STMN3: variants seen among roughly 807,000 people sequenced by gnomAD.
STMN3 encodes the protein stathmin 3.
Under a neutral mutation model 23.2 loss-of-function variants are expected in STMN3, and 24 were observed. The observed-to-expected ratio is 1.03, with a 90% CI of 0.75 to 1.45. The LOEUF is 1.45. STMN3 is among the 40% of genes most tolerant of loss of function. The probability of loss-of-function intolerance (pLI) is 0.00; values close to 1 mark genes in which losing one functional copy is unlikely to be tolerated. For missense variants in STMN3, 235 were observed against 237.6 expected (o/e 0.99, Z 0.07); for synonymous variants, 117 against 103.4 (o/e 1.13, Z -0.80).
chr20:63,641,237 G>C lies in STMN3; in HGVS notation c.*101C>G, dbSNP rs1228030427. On this transcript the variant is annotated 3_prime_UTR_variant, in exon 5 of 5. Coordinates refer to ENST00000370053, the MANE Select transcript of STMN3 (RefSeq NM_015894.4). Reference sequence around the variant, plus strand: ...AAGCATGAAGCTGGGGGCGGGGGTGGGGGAGGAGGAACAAAAGTTGCATCT... The same window carrying C: ...AAGCATGAAGCTGGGGGCGGGGGTGCGGGAGGAGGAACAAAAGTTGCATCT... 1.4e-5 allele frequency: 14 copies of C among 999,480 alleles called. No homozygotes were observed. The Admixed American group carries it at 2.2e-4, about 16-fold the overall frequency. The allele number at this position is 999,480 out of a possible 1,614,324, so 61.9% of individuals were successfully genotyped here.
chr20:63,651,700 A>G (rs2089859860), intron 1 of STMN3, among the ~76,000 whole-genome samples: 1 of 152,192 alleles, frequency 6.6e-6, no homozygotes, highest in African/African-American at 2.4e-5. Flanking sequence ...GCCCCAGGAG[A>G]GGTGCCAGCA....
chr20:63,644,255 A>C lies in STMN3; in HGVS notation c.74T>G (p.Phe25Cys). ...GGTATTGGGGTGCGGCTGTGTGTAG[A>C]AGCAGGAGCAGATGAGCGACAGCAC... ...LSVLSLICSC[F>C]YTQPHPNTVY... Residue 25 changes from phenylalanine to cysteine, a missense_variant, in exon 2 of 5, where the codon TTC (phenylalanine) becomes TGC (cysteine). By Grantham distance (205) the Phe-to-Cys change is radical. Transcript: ENST00000370053. The C allele has an allele frequency of 6.2e-7, 1 of 1,613,764 alleles. No homozygotes were observed. Among genetic ancestry groups the C allele is most frequent in the South Asian group, 1.1e-5 (1 of 91,064 alleles).
chr20:63,645,808 C>T (rs1002378425), intron 1 of STMN3, among the ~76,000 whole-genome samples: 1 of 152,088 alleles, frequency 6.6e-6, no homozygotes, highest in East Asian at 1.9e-4. Flanking sequence ...TAAAAATTAG[C>T]CAGGCGTGGT....
At chr20:63,644,980 C>T (rs1198148466) in intron 1 of STMN3, among the ~76,000 whole-genome samples, 1 of 152,238 alleles carries the variant, frequency 6.6e-6, no homozygotes, top group Non-Finnish European at 1.5e-5. Flanking sequence ...CTACCCCTGC[C>T]TGTCTGGGTC....
intron 1 of STMN3, 71 bp from the exon 2 acceptor site, chr20:63,644,380 C>T (rs888423107): frequency 1.7e-6 from 2 of 1,181,170 alleles, no homozygotes; most frequent in Admixed American, 3.9e-5. Context: ...TTTCCCTCCC[C>T]ATGGCTGCCT....
Position 63,652,515 on chromosome 20 carries a change from C to G in STMN3, c.19+812G>C. On this transcript the variant is annotated intron_variant, in intron 1 of 4. Transcript: ENST00000370053. This position sits in a 1 kb window ranked among gnomAD's most constrained non-coding sequence, Gnocchi z 5.3. Reference sequence around the variant, plus strand: ...AATCCGCCCCCCGCCCGGGCCTGCGCCCGCCCCTCCGCCTGAGCTCCGCGC... The same window carrying G: ...AATCCGCCCCCCGCCCGGGCCTGCGGCCGCCCCTCCGCCTGAGCTCCGCGC... 1.0e-6 allele frequency: 1 copy of G among 955,482 alleles called. No homozygotes were observed. Among genetic ancestry groups the G allele is most frequent in the Non-Finnish European group, 1.2e-6 (1 of 802,628 alleles). The allele number at this position is 955,482 out of a possible 1,614,324, so 59.2% of individuals were successfully genotyped here.
rs1360897984 is a variant in STMN3, at chr20:63,647,975, TATATAC to T, written c.20-3672_20-3667del. Among the ~76,000 whole-genome samples the T allele has an allele frequency of 5.5e-3, 427 of 77,588 alleles. 23 individuals carry two copies. The highest frequency in any genetic ancestry group is 0.014 in the African/African-American group (247 of 17,630). 50.9% of individuals were successfully genotyped at this position (77,588 alleles called of 152,430 possible). On this transcript the variant is annotated intron_variant, in intron 1 of 4. Coordinates refer to ENST00000370053, the MANE Select transcript of STMN3 (RefSeq NM_015894.4). ...ATATATATATGTATATATATATATA[TATATAC>T]ATATATATATACAGAGAGAGAGAGA...
intron 1 of STMN3, among the ~76,000 whole-genome samples, chr20:63,650,108 G>A (rs1008034625): frequency 8.0e-5 from 7 of 87,168 alleles, no homozygotes; most frequent in Non-Finnish European, 1.4e-4. Flanking sequence ...GATGACAGGC[G>A]TGAGCCCCCG....
chr20:63,650,877 C>T (rs545641230), intron 1 of STMN3, among the ~76,000 whole-genome samples: 1 of 149,244 alleles, frequency 6.7e-6, no homozygotes, highest in South Asian at 2.1e-4. Flanking sequence ...CACACCCACC[C>T]CTCCCGCCCA....
In STMN3 at chr20:63,641,008, C is replaced by T. The variant is rs2089756322; in HGVS notation, c.*330G>A. On this transcript the variant is annotated 3_prime_UTR_variant, in exon 5 of 5. Transcript: ENST00000370053. ...TGCACGTGCTGACCAGACAGCCCAG[C>T]GTAAGGACCCGTGATCCCACGCCAC... 4.6e-6 allele frequency: 2 copies of T among 430,116 alleles called. No individual in the cohort carries two copies. Among genetic ancestry groups the T allele is most frequent in the Admixed American group, 3.6e-5 (1 of 28,104 alleles). 26.6% of individuals were successfully genotyped at this position (430,116 alleles called of 1,614,324 possible). A position where few individuals can be genotyped will look rare whatever the true frequency, so the allele number is the denominator to read the frequency against.
intron 1 of STMN3, among the ~76,000 whole-genome samples, chr20:63,644,528 C>G (rs977329959): frequency 9.9e-5 from 15 of 152,180 alleles, no homozygotes; most frequent in African/African-American, 3.4e-4. Context: ...TGCCTTCTGT[C>G]TCTCTCGCCC....
rs991461918 is a variant in STMN3 at position 63,652,085 on chromosome 20, G to A, written c.19+1242C>T. ...GAAGCGCAGATGGACAGGACTCCCA[G>A]ATAGGGTGGGGAGGTGTGGCCGGTG... On this transcript the variant is annotated intron_variant, in intron 1 of 4. Coordinates refer to ENST00000370053, the MANE Select transcript of STMN3 (RefSeq NM_015894.4). The surrounding 1 kb of genome is among the most constrained non-coding windows in gnomAD (Gnocchi z 5.3). 2.0e-5 allele frequency: 3 copies of A among 152,448 alleles called. No individual in the cohort carries two copies. Among genetic ancestry groups the A allele is most frequent in the African/African-American group, 7.2e-5 (3 of 41,462 alleles). 9.4% of individuals were successfully genotyped at this position (152,448 alleles called of 1,614,324 possible).
At chr20:63,653,187 C>A in intron 1 of STMN3, 140 bp downstream of exon 1, 4 of 1,094,000 alleles carry the variant, frequency 3.7e-6, no homozygotes, top group Non-Finnish European at 5.0e-6. Context: ...CAGCCTCGGG[C>A]GGGTCGGGCC....
chr20:63,642,926 A>C (rs1229034297), intron 3 of STMN3, among the ~76,000 whole-genome samples: 2 of 152,182 alleles, frequency 1.3e-5, no homozygotes, highest in Non-Finnish European at 1.5e-5. Flanking sequence ...TCCCCTGCCC[A>C]ATGCGTTGGC....
Position 63,647,991 on chromosome 20 carries a change from T to TACATATAC in STMN3, c.20-3683_20-3682insGTATATGT. Among the ~76,000 whole-genome samples, 2 of 75,892 alleles carry TACATATAC rather than the reference T, an allele frequency of 2.6e-5. 1 individual carries two copies. The highest frequency in any genetic ancestry group is 5.4e-5 in the Non-Finnish European group (2 of 36,902). The allele number at this position is 75,892 out of a possible 152,430, so 49.8% of individuals were successfully genotyped here. A position where few individuals can be genotyped will look rare whatever the true frequency, so the allele number is the denominator to read the frequency against. On this transcript the variant is annotated intron_variant, in intron 1 of 4. Transcript: ENST00000370053. ...ATATATATATATATACATATATATA[T>TACATATAC]ACAGAGAGAGAGAGAGTAGTGATAG...
At position 63,652,603 on chromosome 20, in the gene STMN3, G is replaced by A. The variant is rs2089869458; in HGVS notation, c.19+724C>T. On this transcript the variant is annotated intron_variant, in intron 1 of 4. Transcript: ENST00000370053. The surrounding 1 kb of genome is among the most constrained non-coding windows in gnomAD (Gnocchi z 5.3). Reference sequence around the variant, plus strand: ...AAGGCGGTGGGTCCGCCCCGCGGGAGGTGGAGGGGCGGGAGGGGCGGAGCC... The same window carrying A: ...AAGGCGGTGGGTCCGCCCCGCGGGAAGTGGAGGGGCGGGAGGGGCGGAGCC... 5.1e-6 allele frequency: 5 copies of A among 985,296 alleles called. No individual in the cohort carries two copies. The South Asian group carries it at 2.3e-4, about 46-fold the overall frequency. 61.0% of individuals were successfully genotyped at this position (985,296 alleles called of 1,614,324 possible).
chr20:63,644,366 C>T (rs1338594225), intron 1 of STMN3, 57 bp from the exon 2 acceptor site: 11 of 1,372,084 alleles, frequency 8.0e-6, no homozygotes, highest in Non-Finnish European at 1.0e-5. Flanking sequence ...ACCTGGGCCC[C>T]CGTTTTCCCT....
At chr20:63,651,966 G>A (rs933717368) in intron 1 of STMN3, among the ~76,000 whole-genome samples, 4 of 152,184 alleles carry the variant, frequency 2.6e-5, no homozygotes. Context: ...TGGAGAGGAC[G>A]GCGCTGCCCT....
chr20:63,643,702 C>T lies in STMN3; in HGVS notation c.291+54G>A, dbSNP rs559590065. On this transcript the variant is annotated intron_variant, in intron 3 of 4. Coordinates refer to ENST00000370053, the MANE Select transcript of STMN3 (RefSeq NM_015894.4). Reference sequence around the variant, plus strand: ...CCCTGCTTCTTGCAGGCCCTGTCCCCGTGGGCCGCCTCCGTTGAAACTCCT... The same window carrying T: ...CCCTGCTTCTTGCAGGCCCTGTCCCTGTGGGCCGCCTCCGTTGAAACTCCT... The T allele has an allele frequency of 5.7e-5, 84 of 1,480,330 alleles. No homozygotes were observed. In the African/African-American group the frequency reaches 6.6e-4, roughly 12 times the overall value. The allele number at this position is 1,480,330 out of a possible 1,614,324, so 91.7% of individuals were successfully genotyped here.
Sources: allele counts gnomAD v4.1 joint callset (sites outside exome capture counted in the v4.1 genomes callset), GRCh38; gene constraint gnomAD v4.1.1; non-coding constraint Gnocchi (gnomAD v3.1); transcripts MANE v1.5; gene names NCBI Gene and HGNC (gene_info 2026-07-23, HGNC 2026-07-21).